MAD1L1: variants seen among roughly 807,000 people sequenced by gnomAD.
MAD1L1 encodes mitotic spindle assembly checkpoint protein MAD1.
Under a neutral mutation model 96.9 loss-of-function variants are expected in MAD1L1, and 95 were observed. That is an observed-to-expected ratio of 0.98 (90% confidence interval 0.83 to 1.16). The LOEUF is 1.16. Among genes scored for constraint, MAD1L1 ranks in the 50% most tolerant of loss-of-function variants. MAD1L1 has a pLI of 0.00. For missense variants in MAD1L1, 1,007 were observed against 954.4 expected, an observed-to-expected ratio of 1.06 and a Z score of -0.73; for synonymous variants, 473 against 396.6, an observed-to-expected ratio of 1.19 and a Z score of -2.29.
chr7:1,905,219 T>G (rs1299040572), intron 17 of MAD1L1, among the ~76,000 whole-genome samples: 1 of 96,786 alleles, frequency 1.0e-5, no homozygotes, highest in African/African-American at 3.5e-5. Context: ...AATTCATGAT[T>G]GATGAAGCAC....
At chr7:2,002,481 C>G (rs950443959) in intron 13 of MAD1L1, among the ~76,000 whole-genome samples, 10 of 152,306 alleles carry the variant, frequency 6.6e-5, no homozygotes, top group African/African-American at 2.4e-4. Context: ...AAAGGTTCAG[C>G]ATGGGACTTT....
At chr7:1,824,192 G>A (rs7786367) in intron 18 of MAD1L1, among the ~76,000 whole-genome samples, 55,968 of 151,898 alleles carry the variant, frequency 0.37, 10,916 homozygotes, top group Middle Eastern at 0.45. Flanking sequence ...ATCCTGACTT[G>A]AGCACTGCCG....
At chr7:2,151,042 A>G (rs1789546055) in intron 10 of MAD1L1, among the ~76,000 whole-genome samples, 1 of 152,266 alleles carries the variant, frequency 6.6e-6, no homozygotes, top group Non-Finnish European at 1.5e-5. Flanking sequence ...TGAAAGGTGC[A>G]GCTGCCCTTG....
intron 17 of MAD1L1, among the ~76,000 whole-genome samples, chr7:1,930,852 C>T (rs947013519): frequency 6.6e-5 from 10 of 152,250 alleles, no homozygotes; most frequent in Non-Finnish European, 1.2e-4. Flanking sequence ...CACAACTTAC[C>T]CTGGTCTCTC....
chr7:1,901,887 C>T (rs1787267489), intron 17 of MAD1L1, among the ~76,000 whole-genome samples: 1 of 152,186 alleles, frequency 6.6e-6, no homozygotes, highest in South Asian at 2.1e-4. Flanking sequence ...TCCTCGGGCC[C>T]CTCCTCCACA....
intron 5 of MAD1L1, 45 bp downstream of exon 5, chr7:2,222,530 T>A (rs763394343): frequency 6.7e-7 from 1 of 1,496,690 alleles, no homozygotes; most frequent in Non-Finnish European, 8.9e-7. Context: ...ATGCACTCCC[T>A]CTCCTCGGGA....
At chr7:2,091,928 A>G (rs1462371194) in intron 11 of MAD1L1, among the ~76,000 whole-genome samples, 3 of 152,188 alleles carry the variant, frequency 2.0e-5, no homozygotes, top group East Asian at 3.8e-4. Context: ...TTAGTTAACT[A>G]TGAATAAACC....
At position 2,088,017 on chromosome 7, in the gene MAD1L1, TCC is replaced by T. The variant is rs1562674512; in HGVS notation, c.1074-18681_1074-18680del. Among the ~76,000 whole-genome samples the T allele has an allele frequency of 6.6e-6, 1 of 152,152 alleles. No homozygotes were observed. The highest frequency in any genetic ancestry group is 1.5e-5 in the Non-Finnish European group (1 of 68,028). On this transcript the variant is annotated intron_variant, in intron 11 of 18. Transcript: ENST00000265854. This position sits in a 1 kb window ranked among gnomAD's most constrained non-coding sequence, Gnocchi z 4.4. ...CCTCTCACAGCTAACTGGATCCGTT[TCC>T]CAGCAGATCGAGGCTTGAGGCTCTA...
intron 13 of MAD1L1, among the ~76,000 whole-genome samples, chr7:2,008,760 G>A (rs967127599): frequency 3.1e-5 from 4 of 127,028 alleles, no homozygotes; most frequent in African/African-American, 1.1e-4. Flanking sequence ...ACGCAGACAC[G>A]CAGGAAGCTC....
intron 18 of MAD1L1, among the ~76,000 whole-genome samples, chr7:1,888,486 A>G (rs540364196): frequency 5.5e-5 from 8 of 145,716 alleles, no homozygotes; most frequent in Admixed American, 2.7e-4. Flanking sequence ...TCATGTGTGC[A>G]TGCATGTATG....
At chr7:2,172,577 G>A (rs565039083) in intron 10 of MAD1L1, among the ~76,000 whole-genome samples, 76 of 152,348 alleles carry the variant, frequency 5.0e-4, no homozygotes, top group African/African-American at 1.5e-3. Context: ...CCGCCAGGAC[G>A]GGGCAGCCCA....
At position 1,846,814 on chromosome 7, in the gene MAD1L1, C is replaced by T. The variant is rs530251230; in HGVS notation, c.1999-30586G>A. Reference sequence around the variant, plus strand: ...GCTTCATTCTTTGCAAAGAATACTCCGCCTGATGCAATTTGCGTGTGCAAG... The same window carrying T: ...GCTTCATTCTTTGCAAAGAATACTCTGCCTGATGCAATTTGCGTGTGCAAG... On this transcript the variant is annotated intron_variant, in intron 18 of 18. Transcript: ENST00000265854. 6 of 199,632 alleles carry T rather than the reference C, an allele frequency of 3.0e-5. No individual in the cohort carries two copies. In the East Asian group the frequency reaches 4.8e-4, roughly 16 times the overall value. 12.4% of individuals were successfully genotyped at this position (199,632 alleles called of 1,614,324 possible).
intron 16 of MAD1L1, among the ~76,000 whole-genome samples, chr7:1,937,586 A>C (rs946964655): frequency 1.3e-5 from 2 of 151,196 alleles, no homozygotes; most frequent in African/African-American, 2.4e-5. Context: ...ACAGCCGCCC[A>C]CAGCAGGGAA....
intron 18 of MAD1L1, among the ~76,000 whole-genome samples, chr7:1,877,475 A>C (rs549347702): frequency 0.034 from 5,101 of 151,880 alleles, 280 homozygotes; most frequent in African/African-American, 0.12. Flanking sequence ...AAAACAGCCC[A>C]AAAGAGGCAA....
At chr7:2,010,381 C>T (rs1316727342) in intron 13 of MAD1L1, among the ~76,000 whole-genome samples, 1 of 152,132 alleles carries the variant, frequency 6.6e-6, no homozygotes, top group Non-Finnish European at 1.5e-5. Flanking sequence ...CAACCTGAAA[C>T]GGGGATTCTC....
At chr7:1,993,686 T>C (rs900850498) in intron 14 of MAD1L1, among the ~76,000 whole-genome samples, 1 of 152,228 alleles carries the variant, frequency 6.6e-6, no homozygotes, top group South Asian at 2.1e-4. Flanking sequence ...AGCTACTTTT[T>C]CTAAAATGCA....
intron 17 of MAD1L1, among the ~76,000 whole-genome samples, chr7:1,912,450 C>T (rs535822495): frequency 6.6e-6 from 1 of 152,230 alleles, no homozygotes; most frequent in African/African-American, 2.4e-5. Context: ...TGGGTGGCCA[C>T]TGCAGAGACT....
intron 12 of MAD1L1, among the ~76,000 whole-genome samples, chr7:2,062,257 CAAAA>C (rs56706072): frequency 9.7e-6 from 1 of 102,778 alleles, no homozygotes; most frequent in Non-Finnish European, 1.9e-5. Flanking sequence ...ACAGCAACGA[CAAAA>C]AAAAAAAAAA....
In MAD1L1 at chr7:2,215,925, T is replaced by C. The variant is rs1793245720; in HGVS notation, c.884A>G (p.Lys295Arg). The C allele has an allele frequency of 1.9e-6, 3 of 1,614,194 alleles. No homozygotes were observed. The highest frequency in any genetic ancestry group is 4.5e-5 in the East Asian group (2 of 44,880). The change falls in exon 9 of 19, where the codon AAG (lysine) becomes AGG (arginine). Residue 295 changes from lysine (K) to arginine (R), a missense_variant. Transcript: ENST00000265854. ...CAAGCCAACCAGCGTCTCCTGCATCTTCTCCTGGCGCCCCAGCTTCCTCTG... is the reference window on the plus strand; with the variant it reads ...CAAGCCAACCAGCGTCTCCTGCATCCTCTCCTGGCGCCCCAGCTTCCTCTG... ...GLQRKLGRQE[K>R]MQETLVGLEL...
Sources: gnomAD v4.1 joint callset for allele counts (sites outside exome capture counted in the v4.1 genomes callset) on GRCh38, gnomAD v4.1.1 for gene constraint, Gnocchi (gnomAD v3.1) non-coding constraint, MANE v1.5 for transcripts, NCBI Gene and HGNC (gene_info 2026-07-23, HGNC 2026-07-21) for gene names.